Variants in MED6 observed in about 807,000 individuals in gnomAD.
MED6 encodes mediator complex subunit 6, also known as mediator of RNA polymerase II transcription subunit 6.
In MED6, 33 loss-of-function variants were observed where a neutral mutation model predicts 37.5. That is an observed-to-expected ratio of 0.88 (90% CI 0.67 to 1.18). The LOEUF is 1.18. Ranked by LOEUF, MED6 falls within the 50% of genes most tolerant of loss-of-function variation. The probability of loss-of-function intolerance (pLI) is 0.00; values close to 1 mark genes in which losing one functional copy is unlikely to be tolerated. For synonymous variants in MED6, 94 were observed against 93.6 expected (o/e 1.00, Z -0.02); for missense variants, 235 against 290.6 (o/e 0.81, Z 1.39).
At chr14:70,592,612 G>C (rs1884914173) in intron 5 of MED6, 1 of 256,796 alleles carries the variant, frequency 3.9e-6, no homozygotes, top group South Asian at 5.1e-5. Flanking sequence ...ACAGGAGTGA[G>C]CCACCACACC....
intron 1 of MED6, 110 bp downstream of exon 1, chr14:70,600,506 A>G: frequency 1.6e-6 from 2 of 1,277,320 alleles, no homozygotes; most frequent in Non-Finnish European, 2.2e-6. Flanking sequence ...AAACCACTCA[A>G]AAAAGCTTGA....
At chr14:70,585,335 C>T (rs1595045349) in intron 7 of MED6, among the ~76,000 whole-genome samples, 1 of 152,152 alleles carries the variant, frequency 6.6e-6, no homozygotes, top group African/African-American at 2.4e-5. Context: ...TCAATACCTA[C>T]TTTTTCCCTC....
Position 70,593,280 on chromosome 14 carries a change from A to C in MED6, c.357+16T>G. The C allele has an allele frequency of 1.2e-6, 2 of 1,605,352 alleles. No homozygotes were observed. Among genetic ancestry groups the C allele is most frequent in the Non-Finnish European group, 1.7e-6 (2 of 1,172,180 alleles). Reference sequence around the variant, plus strand: ...AAAAGTTTTCTTTAGTGCTTAAAGAATGTGAAGACACTTACCACTCTAGAG... The same window carrying C: ...AAAAGTTTTCTTTAGTGCTTAAAGACTGTGAAGACACTTACCACTCTAGAG... On this transcript the variant is annotated intron_variant, in intron 4 of 7. Coordinates refer to ENST00000256379, the MANE Select transcript of MED6 (RefSeq NM_005466.4).
At chr14:70,593,118 G>C in intron 4 of MED6, 130 bp from the exon 5 acceptor site, 1 of 1,351,592 alleles carries the variant, frequency 7.4e-7, no homozygotes, top group African/African-American at 1.5e-5. Flanking sequence ...ATATAATTGA[G>C]ACTATGAAAT....
chr14:70,596,292 G>A lies in MED6; in HGVS notation c.274+319C>T, dbSNP rs576236481. 73 of 220,262 alleles carry A rather than the reference G, an allele frequency of 3.3e-4. 1 individual carries two copies. Among genetic ancestry groups the A allele is most frequent in the Admixed American group, 1.4e-3 (28 of 19,672 alleles). The allele number at this position is 220,262 out of a possible 1,614,324, so 13.6% of individuals were successfully genotyped here. ...ATGCAGCTGCATTTCACTGCTGGATGGAGGGCACACTCTGTGGCCCTTCAC... is the reference window on the plus strand; with the variant it reads ...ATGCAGCTGCATTTCACTGCTGGATAGAGGGCACACTCTGTGGCCCTTCAC... On this transcript the variant is annotated intron_variant, in intron 3 of 7. Transcript: ENST00000256379.
chr14:70,589,437 C>T (rs1056915033), intron 6 of MED6, among the ~76,000 whole-genome samples: 37 of 152,108 alleles, frequency 2.4e-4, no homozygotes, highest in African/African-American at 8.9e-4. Flanking sequence ...TTTTAAATAC[C>T]CAATGGGTCC....
chr14:70,593,290 A>C lies in MED6; in HGVS notation c.357+6T>G. The C allele has an allele frequency of 6.2e-7, 1 of 1,610,948 alleles. No individual in the cohort carries two copies. The highest frequency in any genetic ancestry group is 8.5e-7 in the Non-Finnish European group (1 of 1,177,186). ...TTTAGTGCTTAAAGAATGTGAAGAC[A>C]CTTACCACTCTAGAGTTTATAACTG... is the stretch of plus-strand genomic sequence containing the variant. On this transcript the variant is annotated splice_donor_region_variant and intron_variant, in intron 4 of 7. Coordinates refer to ENST00000256379, the MANE Select transcript of MED6 (RefSeq NM_005466.4).
chr14:70,586,298 AAAAG>A (rs1884705272), intron 6 of MED6, among the ~76,000 whole-genome samples: 1 of 152,166 alleles, frequency 6.6e-6, no homozygotes, highest in African/African-American at 2.4e-5. Flanking sequence ...CTATAGGAAA[AAAAG>A]ATAAGAGCAT....
In MED6 at chr14:70,590,760, G is replaced by C. The variant is rs536191278; in HGVS notation, c.582+506C>G. 2.6e-5 allele frequency among the ~76,000 whole-genome samples: 4 copies of C among 152,184 alleles called. No homozygotes were observed. The East Asian group carries it at 7.7e-4, about 29-fold the overall frequency. On this transcript the variant is annotated intron_variant, in intron 6 of 7. Transcript: ENST00000256379. ...CCCTGCCCCTCCAAATCACACAGTG[G>C]AATTCATATAACTTAAAACCCCAAC...
Position 70,584,103 on chromosome 14 carries a change from G to A in MED6, c.*710C>T, listed in dbSNP as rs747799199. The A allele has an allele frequency of 5.7e-6, 4 of 696,910 alleles. No homozygotes were observed. Among genetic ancestry groups the A allele is most frequent in the African/African-American group, 3.6e-5 (2 of 56,030 alleles). The allele number at this position is 696,910 out of a possible 1,614,324, so 43.2% of individuals were successfully genotyped here. ...TTCATCTTCCAAAATGTCAGCAACT[G>A]TTTATTTTAATACTGAGGATTATGT... On this transcript the variant is annotated 3_prime_UTR_variant, in exon 8 of 8. Coordinates refer to ENST00000256379, the MANE Select transcript of MED6 (RefSeq NM_005466.4).
At chr14:70,600,144 T>C (rs1028136798) in intron 1 of MED6, among the ~76,000 whole-genome samples, 6 of 152,072 alleles carry the variant, frequency 3.9e-5, no homozygotes, top group Admixed American at 6.5e-5. Context: ...ATGTAAAGTA[T>C]TATCGACTCA....
In MED6 at chr14:70,584,734, C is replaced by A. The variant is rs1359963217; in HGVS notation, c.*79G>T. 3.3e-6 allele frequency: 5 copies of A among 1,510,058 alleles called. No individual in the cohort carries two copies. The highest frequency in any genetic ancestry group is 1.4e-5 in the African/African-American group (1 of 70,732). The allele number at this position is 1,510,058 out of a possible 1,614,324, so 93.5% of individuals were successfully genotyped here. A position where few individuals can be genotyped will look rare whatever the true frequency, so the allele number is the denominator to read the frequency against. On this transcript the variant is annotated 3_prime_UTR_variant, in exon 8 of 8. Coordinates refer to ENST00000256379, the MANE Select transcript of MED6 (RefSeq NM_005466.4). ...CAAATAAGAAGGTTACAATAAAGTA[C>A]TTCAAAGCTCAAGAGCCACAGTACT...
chr14:70,595,226 GC>G, intron 3 of MED6: 1 of 542,252 alleles, frequency 1.8e-6, no homozygotes. Flanking sequence ...AGCCCAGACT[GC>G]CAGCTCTGGG....
rs1566673022 is a variant in MED6 at position 70,584,984 on chromosome 14, T to C, written c.611-41A>G. On this transcript the variant is annotated intron_variant, in intron 7 of 7. Transcript: ENST00000256379. Reference sequence around the variant, plus strand: ...AGATTTTTTGGGAGGGAGATATGGGTGGGGGGAATGAGATAAATGGTTAAT... The same window carrying C: ...AGATTTTTTGGGAGGGAGATATGGGCGGGGGGAATGAGATAAATGGTTAAT... 1.9e-6 allele frequency: 3 copies of C among 1,594,034 alleles called. No homozygotes were observed. The South Asian group carries it at 3.4e-5, about 18-fold the overall frequency.
At chr14:70,594,954 C>T (rs995347468) in intron 3 of MED6, 7 of 603,352 alleles carry the variant, frequency 1.2e-5, no homozygotes, top group African/African-American at 3.7e-5. Context: ...ACTTCAAGAC[C>T]ATCGAGGACC....
At position 70,596,699 on chromosome 14, in the gene MED6, C is replaced by A. The variant is rs1885058953; in HGVS notation, c.186G>T (p.Gln62His). 6.2e-7 allele frequency: 1 copy of A among 1,612,448 alleles called. No individual in the cohort carries two copies. Among genetic ancestry groups the A allele is most frequent in the Non-Finnish European group, 8.5e-7 (1 of 1,178,818 alleles). The stretch of plus-strand genomic sequence containing the variant: ...AAAGGATGTACTCGATTCCAACCAT[C>A]TGACTGAAAACAGAACACAGACATC... ...MQRLTLEHLNQMVGIEYILLH... is the reference protein window; with the variant it reads ...MQRLTLEHLNHMVGIEYILLH... The change falls in exon 3 of 8, where the codon CAG (glutamine) becomes CAT (histidine). Residue 62 changes from glutamine (Q) to histidine (H), a missense_variant. Coordinates refer to ENST00000256379, the MANE Select transcript of MED6 (RefSeq NM_005466.4).
At chr14:70,587,053 T>C (rs972449014) in intron 6 of MED6, among the ~76,000 whole-genome samples, 1 of 152,208 alleles carries the variant, frequency 6.6e-6, no homozygotes, top group Non-Finnish European at 1.5e-5. Context: ...ATGTGCTAGA[T>C]AGAGGATACC....
intron 6 of MED6, among the ~76,000 whole-genome samples, chr14:70,587,263 TC>T (rs1233241893): frequency 1.3e-5 from 2 of 152,148 alleles, no homozygotes; most frequent in African/African-American, 4.8e-5. Context: ...TGTGTCCTTT[TC>T]CCTTATGATC....
In MED6 at chr14:70,600,609, A is replaced by C; in HGVS notation, c.22+7T>G. ...ATCAAGAGACAAAATATAGCAATAC[A>C]GTATACCTCGGATATCCACCGCCGC... On this transcript the variant is annotated splice_region_variant and intron_variant, in intron 1 of 7. Transcript: ENST00000256379. 1 of 1,613,408 alleles carries C rather than the reference A, an allele frequency of 6.2e-7. No homozygotes were observed. Among genetic ancestry groups the C allele is most frequent in the East Asian group, 2.2e-5 (1 of 44,872 alleles).
Sources: allele counts gnomAD v4.1 joint callset (sites outside exome capture counted in the v4.1 genomes callset), GRCh38; gene constraint gnomAD v4.1.1; transcripts MANE v1.5; gene names NCBI Gene and HGNC (gene_info 2026-07-23, HGNC 2026-07-21).